Variants in DCUN1D1 observed in about 807,000 individuals in gnomAD.
The protein encoded by DCUN1D1 is DCN1-like protein 1.
In DCUN1D1, 3 loss-of-function variants were observed where a neutral mutation model predicts 39.0. The observed-to-expected ratio is 0.08, with a 90% CI of 0.04 to 0.20. The LOEUF (loss-of-function observed/expected upper bound fraction) is 0.20. DCUN1D1 is among the 10% of genes least tolerant of loss of function. DCUN1D1 has a pLI of 1.00. For missense variants in DCUN1D1, 158 were observed against 302.4 expected (o/e 0.52, Z 3.54); for synonymous variants, 82 against 96.3 (o/e 0.85, Z 0.87).
intron 4 of DCUN1D1, among the ~76,000 whole-genome samples, chr3:182,960,482 T>C (rs1202154462): frequency 6.6e-6 from 1 of 152,206 alleles, no homozygotes; most frequent in Non-Finnish European, 1.5e-5. Context: ...GAACATCTTT[T>C]ATCTTCCCTC....
At chr3:182,975,688 AAAAAAAAAACAAAAACAAAAAAC>A (rs1408595663) in intron 1 of DCUN1D1, among the ~76,000 whole-genome samples, 3 of 146,622 alleles carry the variant, frequency 2.0e-5, no homozygotes, top group African/African-American at 5.4e-5. Flanking sequence ...GGGTTAAAAA[AAAAAAAAAACAAAAACAAAAAAC>A]AAAAAACAGA....
intron 4 of DCUN1D1, among the ~76,000 whole-genome samples, chr3:182,960,760 A>T (rs1313432666): frequency 2.0e-5 from 3 of 152,244 alleles, no homozygotes. Context: ...TTTCTGGATA[A>T]TAAGACTATG....
Position 182,970,217 on chromosome 3 carries a change from T to C in DCUN1D1, c.4-4464A>G, listed in dbSNP as rs187787785. Among the ~76,000 whole-genome samples, 473 of 152,168 alleles carry C rather than the reference T, an allele frequency of 3.1e-3. 3 individuals carry two copies. Among genetic ancestry groups the C allele is most frequent in the African/African-American group, 0.01 (418 of 41,480 alleles). On this transcript the variant is annotated intron_variant, in intron 1 of 6. Coordinates refer to ENST00000292782, the MANE Select transcript of DCUN1D1 (RefSeq NM_020640.4). ...AGTTCAAGGCTGCAGTGAGCTATGA[T>C]AGCGCCGCTGCACTACAGCCTGGGT...
At chr3:182,977,777 C>T (rs184692878) in intron 1 of DCUN1D1, among the ~76,000 whole-genome samples, 155 of 151,976 alleles carry the variant, frequency 1.0e-3, no homozygotes, top group Non-Finnish European at 2.0e-3. Flanking sequence ...TGGTGGCTCA[C>T]GCCTGTAATC....
Position 182,980,533 on chromosome 3 carries a change from G to A in DCUN1D1, c.-44C>T, listed in dbSNP as rs774233798. 4.1e-6 allele frequency: 5 copies of A among 1,230,920 alleles called. No homozygotes were observed. Among genetic ancestry groups the A allele is most frequent in the South Asian group, 2.0e-5 (1 of 51,058 alleles). 76.2% of individuals were successfully genotyped at this position (1,230,920 alleles called of 1,614,324 possible). The stretch of plus-strand genomic sequence containing the variant: ...TCTCCCCTCCTCCTCCGGCTCCGCA[G>A]CGAATGGACGGCGGCGGCGGCGGCG... On this transcript the variant is annotated 5_prime_UTR_variant, in exon 1 of 7. Transcript: ENST00000292782.
chr3:182,962,536 T>C (rs761680598), intron 3 of DCUN1D1, among the ~76,000 whole-genome samples: 5 of 152,150 alleles, frequency 3.3e-5, no homozygotes, highest in African/African-American at 4.8e-5. Flanking sequence ...CAGGCAGTTT[T>C]TTCACCAGCA....
intron 4 of DCUN1D1, among the ~76,000 whole-genome samples, chr3:182,958,425 A>C (rs1002088241): frequency 8.5e-5 from 13 of 152,158 alleles, no homozygotes; most frequent in Admixed American, 3.3e-4. Flanking sequence ...ATCAATATGA[A>C]TATATTATTA....
At chr3:182,980,662 G>A (rs901078442), upstream of DCUN1D1, 13 of 852,164 alleles carry the variant, frequency 1.5e-5, no homozygotes, top group African/African-American at 2.0e-4. Context: ...GAGGGACGGA[G>A]GCAGGCGGAG....
intron 1 of DCUN1D1, among the ~76,000 whole-genome samples, chr3:182,968,179 G>A (rs1325956860): frequency 6.6e-6 from 1 of 152,156 alleles, no homozygotes; most frequent in Non-Finnish European, 1.5e-5. Context: ...AAAGTGCTGG[G>A]ACTACAGGAG....
At position 182,941,936 on chromosome 3, in the gene DCUN1D1, TAA is replaced by T. The variant is rs545167148; in HGVS notation, c.*3156_*3157del. 86 of 152,236 alleles carry T rather than the reference TAA, an allele frequency of 5.6e-4. No homozygotes were observed. Among genetic ancestry groups the T allele is most frequent in the African/African-American group, 2.0e-3 (84 of 41,584 alleles). The allele number at this position is 152,236 out of a possible 1,614,324, so 9.4% of individuals were successfully genotyped here. ...TTAAAAACCTAAGCAAAGTGTACATTAAGTTAGCTACTACTACTCACTTCTTG... is the reference window on the plus strand; with the variant it reads ...TTAAAAACCTAAGCAAAGTGTACATTGTTAGCTACTACTACTCACTTCTTG... On this transcript the variant is annotated 3_prime_UTR_variant, in exon 7 of 7. Coordinates refer to ENST00000292782, the MANE Select transcript of DCUN1D1 (RefSeq NM_020640.4).
chr3:182,980,883 C>T (rs1268640803), upstream of DCUN1D1: 1 of 148,390 alleles, frequency 6.7e-6, no homozygotes, highest in African/African-American at 2.5e-5. Flanking sequence ...CGGGTCTACG[C>T]AGGCTGGAAG....
chr3:182,976,043 A>G (rs1372481414), intron 1 of DCUN1D1, among the ~76,000 whole-genome samples: 1 of 152,084 alleles, frequency 6.6e-6, no homozygotes, highest in Non-Finnish European at 1.5e-5. Context: ...ACTAGAACAT[A>G]TTCAACAATC....
chr3:182,972,540 G>A (rs1727995960), intron 1 of DCUN1D1, among the ~76,000 whole-genome samples: 1 of 152,132 alleles, frequency 6.6e-6, no homozygotes, highest in Non-Finnish European at 1.5e-5. Flanking sequence ...ACTTTGGGAG[G>A]TCGAGGGAGG....
intron 1 of DCUN1D1, among the ~76,000 whole-genome samples, chr3:182,979,130 C>G (rs1408382901): frequency 6.6e-6 from 1 of 152,224 alleles, no homozygotes; most frequent in African/African-American, 2.4e-5. Context: ...TGGTGGATCT[C>G]TGAACACTGT....
Sources: allele counts gnomAD v4.1 joint callset (sites outside exome capture counted in the v4.1 genomes callset), GRCh38; gene constraint gnomAD v4.1.1; transcripts MANE v1.5; gene names NCBI Gene and HGNC (gene_info 2026-07-23, HGNC 2026-07-21).